The following SLC39A11 variants were observed in gnomAD, a reference collection of about 807,000 sequenced individuals.
SLC39A11 encodes the protein zinc transporter ZIP11.
Under a neutral mutation model 36.1 loss-of-function variants are expected in SLC39A11, and 33 were observed. The ratio of observed to expected loss-of-function variants is 0.91; its 90% CI spans 0.69 to 1.22. The LOEUF (loss-of-function observed/expected upper bound fraction) is 1.22. Among genes scored for constraint, SLC39A11 ranks in the 50% most tolerant of loss-of-function variants. The pLI is 0.00. For synonymous variants in SLC39A11, 166 were observed against 170.3 expected, an observed-to-expected ratio of 0.97 and a Z score of 0.20; for missense variants, 432 against 430.3, an observed-to-expected ratio of 1.00 and a Z score of -0.03.
intron 5 of SLC39A11, among the ~76,000 whole-genome samples, chr17:72,889,441 G>GGAGGTGGAGGTTGCAGTGAGCT (rs574912689): frequency 0.071 from 10,795 of 151,152 alleles, 397 homozygotes; most frequent in Middle Eastern, 0.11. Flanking sequence ...CTTGAACCTG[G>GGAGGTGGAGGTTGCAGTGAGCT]GAGGTGGAGG....
At chr17:72,684,187 G>C (rs1474012531) in intron 7 of SLC39A11, among the ~76,000 whole-genome samples, 1 of 152,114 alleles carries the variant, frequency 6.6e-6, no homozygotes, top group Non-Finnish European at 1.5e-5. Flanking sequence ...TGAGTCAAGA[G>C]ACTGGGTTCC....
At position 72,686,509 on chromosome 17, in the gene SLC39A11, G is replaced by A. The variant is rs150051554; in HGVS notation, c.672-37241C>T. Among the ~76,000 whole-genome samples the A allele has an allele frequency of 6.0e-3, 912 of 152,184 alleles. 8 individuals are homozygous for A. The highest frequency in any genetic ancestry group is 0.021 in the African/African-American group (856 of 41,504). ...AGACAGGTGCACCACACCCTGCCTG[G>A]GCCCTTCCCTCCAGACCCCCCTCTG... On this transcript the variant is annotated intron_variant, in intron 7 of 9. Transcript: ENST00000255559.
intron 3 of SLC39A11, among the ~76,000 whole-genome samples, chr17:73,054,248 G>C (rs2059597220): frequency 6.6e-6 from 1 of 151,974 alleles, no homozygotes; most frequent in Non-Finnish European, 1.5e-5. Flanking sequence ...TGTAGTCCCA[G>C]CTACTCAGGA....
At chr17:73,065,927 C>T (rs1265640223) in intron 3 of SLC39A11, among the ~76,000 whole-genome samples, 8 of 152,144 alleles carry the variant, frequency 5.3e-5, no homozygotes. Context: ...AAAGGGGAAG[C>T]CCAGTGTCGG....
At chr17:72,659,031 T>C (rs1345860626) in intron 7 of SLC39A11, among the ~76,000 whole-genome samples, 1 of 152,160 alleles carries the variant, frequency 6.6e-6, no homozygotes, top group East Asian at 1.9e-4. Context: ...TTCTCAATTA[T>C]ACGACCTCCT....
intron 7 of SLC39A11, among the ~76,000 whole-genome samples, chr17:72,710,712 T>G (rs373226233): frequency 6.6e-6 from 1 of 152,232 alleles, no homozygotes; most frequent in African/African-American, 2.4e-5. Context: ...TCTTATAAAT[T>G]GTTGATTTTA....
intron 4 of SLC39A11, among the ~76,000 whole-genome samples, chr17:72,962,365 G>T (rs1186660067): frequency 6.6e-6 from 1 of 152,144 alleles, no homozygotes; most frequent in African/African-American, 2.4e-5. Context: ...GAAGACAGTG[G>T]CTGGGGCTTT....
At chr17:72,997,950 A>G (rs775697931) in intron 4 of SLC39A11, among the ~76,000 whole-genome samples, 1 of 152,228 alleles carries the variant, frequency 6.6e-6, no homozygotes, top group Non-Finnish European at 1.5e-5. Context: ...ATGAAAAGGT[A>G]AAAGTTCTTG....
chr17:72,662,521 AAGAGAAAGAAAG>A (rs1454319372), intron 7 of SLC39A11, among the ~76,000 whole-genome samples: 6 of 126,458 alleles, frequency 4.7e-5, no homozygotes, highest in South Asian at 2.4e-4. Context: ...AAAGAGAAGA[AAGAGAAAGAAAG>A]AGAGAAAGAA....
intron 7 of SLC39A11, among the ~76,000 whole-genome samples, chr17:72,726,570 G>A (rs1010680129): frequency 1.3e-5 from 2 of 152,076 alleles, no homozygotes; most frequent in African/African-American, 2.4e-5. Context: ...GGGGCTGCTT[G>A]GACAGGTAGA....
intron 6 of SLC39A11, among the ~76,000 whole-genome samples, chr17:72,760,135 T>C (rs1434064179): frequency 6.6e-6 from 1 of 152,228 alleles, no homozygotes; most frequent in African/African-American, 2.4e-5. Flanking sequence ...CAAGTGATTC[T>C]CGTGCCTCAG....
intron 4 of SLC39A11, among the ~76,000 whole-genome samples, chr17:73,001,085 C>A (rs141301785): frequency 8.9e-4 from 135 of 152,278 alleles, no homozygotes; most frequent in African/African-American, 3.0e-3. Flanking sequence ...GGCCCCTCCT[C>A]ATGGACATTT....
chr17:73,006,474 G>A (rs1258375269), intron 4 of SLC39A11, among the ~76,000 whole-genome samples: 3 of 152,260 alleles, frequency 2.0e-5, no homozygotes, highest in South Asian at 4.2e-4. Context: ...GGGAGAAGAG[G>A]ATGGGGAGGG....
chr17:72,682,035 G>A (rs578097874), intron 7 of SLC39A11, among the ~76,000 whole-genome samples: 26 of 151,892 alleles, frequency 1.7e-4, no homozygotes, highest in Non-Finnish European at 3.1e-4. Flanking sequence ...CCTGAGCTCC[G>A]CCTCCCATCA....
chr17:72,688,936 C>T (rs1280235200), intron 7 of SLC39A11, among the ~76,000 whole-genome samples: 3 of 152,176 alleles, frequency 2.0e-5, no homozygotes, highest in Admixed American at 2.0e-4. Flanking sequence ...TGACATCTGT[C>T]TATTCACACC....
intron 7 of SLC39A11, among the ~76,000 whole-genome samples, chr17:72,711,857 C>T (rs1199134487): frequency 2.6e-5 from 4 of 152,038 alleles, no homozygotes; most frequent in African/African-American, 4.8e-5. Flanking sequence ...AAAATTCTAA[C>T]GAAAGACATG....
At chr17:72,661,276 A>G (rs2070405088) in intron 7 of SLC39A11, among the ~76,000 whole-genome samples, 1 of 152,130 alleles carries the variant, frequency 6.6e-6, no homozygotes, top group Non-Finnish European at 1.5e-5. Flanking sequence ...CTCCTGCTTG[A>G]GCGCAGATTG....
intron 3 of SLC39A11, among the ~76,000 whole-genome samples, chr17:73,045,625 G>T (rs942674615): frequency 6.6e-6 from 1 of 152,078 alleles, no homozygotes; most frequent in Admixed American, 6.5e-5. Flanking sequence ...TGAGTTCAAT[G>T]TTCCTCTTCT....
chr17:73,074,829 T>C (rs1412661902), intron 3 of SLC39A11, among the ~76,000 whole-genome samples: 1 of 152,220 alleles, frequency 6.6e-6, no homozygotes, highest in Non-Finnish European at 1.5e-5. Context: ...CCCTAAGGGA[T>C]GAAATAATAG....
Sources: allele counts gnomAD v4.1 joint callset (sites outside exome capture counted in the v4.1 genomes callset), GRCh38; gene constraint gnomAD v4.1.1; transcripts MANE v1.5; gene names NCBI Gene and HGNC (gene_info 2026-07-23, HGNC 2026-07-21).